SLC44A5: variants seen among roughly 807,000 people sequenced by gnomAD.
The protein encoded by SLC44A5 is solute carrier family 44 member 5.
A neutral mutation model predicts 101.8 loss-of-function variants in SLC44A5; 57 were observed. That is an observed-to-expected ratio of 0.56 (90% CI 0.45 to 0.70). SLC44A5 has a LOEUF of 0.70. Among genes scored for constraint, SLC44A5 ranks in the 30% least tolerant of loss-of-function variants. The probability of loss-of-function intolerance (pLI) is 0.00; values close to 1 mark genes in which losing one functional copy is unlikely to be tolerated. For missense variants in SLC44A5, 737 were observed against 853.1 expected (o/e 0.86, Z 1.70); for synonymous variants, 281 against 290.9 (o/e 0.97, Z 0.35).
At chr1:75,608,175 AAAAAC>A (rs968022143) in intron 1 of SLC44A5, among the ~76,000 whole-genome samples, 38 of 151,076 alleles carry the variant, frequency 2.5e-4, no homozygotes, top group African/African-American at 6.1e-4. Flanking sequence ...AGTCAATAGC[AAAAAC>A]AAAACAAAAC....
At chr1:75,638,048 A>G in the SLC44A5 span, among the ~76,000 whole-genome samples, 1 of 152,076 alleles carries the variant, frequency 6.6e-6, no homozygotes. Flanking sequence ...CCTTCTTAAA[A>G]TATTTATTAT....
intron 2 of SLC44A5, among the ~76,000 whole-genome samples, chr1:75,444,632 T>A (rs1235243055): frequency 6.7e-6 from 1 of 149,702 alleles, no homozygotes; most frequent in African/African-American, 2.5e-5. Flanking sequence ...CTAATAGAGA[T>A]GATACAAGCA....
At position 75,203,356 on chromosome 1, in the gene SLC44A5, C is replaced by T. The variant is rs1452434762; in HGVS notation, c.*371G>A. On this transcript the variant is annotated 3_prime_UTR_variant, in exon 24 of 24. Coordinates refer to ENST00000370859, the MANE Select transcript of SLC44A5 (RefSeq NM_001130058.2). The stretch of plus-strand genomic sequence containing the variant: ...CAATTTTCCCTGCAGAAGAAGTCTT[C>T]TTTTAGTTGTAATTTTAAAAATATA... 6.4e-6 allele frequency: 1 copy of T among 155,270 alleles called. No individual in the cohort carries two copies. Among genetic ancestry groups the T allele is most frequent in the African/African-American group, 2.4e-5 (1 of 41,562 alleles). 9.6% of individuals were successfully genotyped at this position (155,270 alleles called of 1,614,324 possible).
chr1:75,539,431 T>C (rs1423121658), intron 2 of SLC44A5, among the ~76,000 whole-genome samples: 1 of 152,210 alleles, frequency 6.6e-6, no homozygotes, highest in Non-Finnish European at 1.5e-5. Flanking sequence ...ATAGTGGTGG[T>C]GCTAGAGGTG....
Position 75,202,428 on chromosome 1 carries a change from A to G in SLC44A5, c.*1299T>C, listed in dbSNP as rs144686072. 35 of 152,336 alleles carry G rather than the reference A, an allele frequency of 2.3e-4. No individual in the cohort carries two copies. The highest frequency in any genetic ancestry group is 8.2e-4 in the African/African-American group (34 of 41,598). 9.4% of individuals were successfully genotyped at this position (152,336 alleles called of 1,614,324 possible). On this transcript the variant is annotated 3_prime_UTR_variant, in exon 24 of 24. Coordinates refer to ENST00000370859, the MANE Select transcript of SLC44A5 (RefSeq NM_001130058.2). ...TTCACAAATTATCATTATATGATTGACATTCTCTTAGGGTGAATACTTTTC... is the reference window on the plus strand; with the variant it reads ...TTCACAAATTATCATTATATGATTGGCATTCTCTTAGGGTGAATACTTTTC...
At chr1:75,311,705 T>A in intron 4 of SLC44A5, 1 of 208,324 alleles carries the variant, frequency 4.8e-6, no homozygotes, top group Non-Finnish European at 8.4e-6. Flanking sequence ...CCCAGTTTAG[T>A]CTGGGGAACA....
chr1:75,702,662 A>T, the SLC44A5 span, among the ~76,000 whole-genome samples: 1 of 152,326 alleles, frequency 6.6e-6, no homozygotes, highest in Admixed American at 6.5e-5. Context: ...GACAAATGGG[A>T]TCTAATTAAA....
intron 5 of SLC44A5, among the ~76,000 whole-genome samples, chr1:75,288,417 T>TTTCA (rs1480303022): frequency 3.3e-5 from 5 of 152,328 alleles, no homozygotes; most frequent in African/African-American, 1.2e-4. Flanking sequence ...TCAAACTCCT[T>TTTCA]TTCATTCATT....
At chr1:75,562,789 T>C (rs1228488145) in intron 1 of SLC44A5, among the ~76,000 whole-genome samples, 1 of 152,172 alleles carries the variant, frequency 6.6e-6, no homozygotes, top group African/African-American at 2.4e-5. Flanking sequence ...ACAGTCTCTC[T>C]TTCAAATGGG....
the SLC44A5 span, among the ~76,000 whole-genome samples, chr1:75,671,072 T>C: frequency 1.3e-5 from 2 of 152,198 alleles, no homozygotes; most frequent in South Asian, 4.1e-4. Flanking sequence ...GACTTTCCTA[T>C]GGTTTTTACA....
At chr1:75,472,572 G>A (rs1425870319) in intron 2 of SLC44A5, among the ~76,000 whole-genome samples, 5 of 152,160 alleles carry the variant, frequency 3.3e-5, no homozygotes, top group African/African-American at 7.2e-5. Context: ...CAGCGCCCCA[G>A]GGTGCCTCAA....
At chr1:75,285,436 GTTTCA>G (rs1232871222) in intron 5 of SLC44A5, among the ~76,000 whole-genome samples, 1 of 151,718 alleles carries the variant, frequency 6.6e-6, no homozygotes, top group African/African-American at 2.4e-5. Flanking sequence ...CCAGCATTTT[GTTTCA>G]TTTATCATTT....
chr1:75,270,585 G>A (rs778868626), intron 6 of SLC44A5, among the ~76,000 whole-genome samples: 2 of 152,022 alleles, frequency 1.3e-5, no homozygotes, highest in Non-Finnish European at 1.5e-5. Flanking sequence ...AGAAATATTG[G>A]AGAATGTTAT....
chr1:75,469,254 A>C (rs2101723257), intron 2 of SLC44A5, among the ~76,000 whole-genome samples: 1 of 152,324 alleles, frequency 6.6e-6, no homozygotes, highest in Non-Finnish European at 1.5e-5. Flanking sequence ...CAGACTAGCC[A>C]CATTTCAGGT....
At chr1:75,233,110 C>T (rs932808365) in intron 12 of SLC44A5, among the ~76,000 whole-genome samples, 1 of 152,098 alleles carries the variant, frequency 6.6e-6, no homozygotes, top group Admixed American at 6.6e-5. Context: ...TACTGTTCCA[C>T]GTGAGACACT....
the SLC44A5 span, among the ~76,000 whole-genome samples, chr1:75,685,671 G>A: frequency 6.6e-6 from 1 of 152,090 alleles, no homozygotes; most frequent in African/African-American, 2.4e-5. Context: ...AGCCCTTCGA[G>A]TCTCTGGGAA....
chr1:75,647,437 A>C, the SLC44A5 span, among the ~76,000 whole-genome samples: 3 of 152,170 alleles, frequency 2.0e-5, no homozygotes, highest in African/African-American at 7.2e-5. Flanking sequence ...CCCAATATAG[A>C]GTCCCCACTG....
the SLC44A5 span, among the ~76,000 whole-genome samples, chr1:75,646,797 A>G: frequency 6.6e-6 from 1 of 152,186 alleles, no homozygotes; most frequent in Non-Finnish European, 1.5e-5. Flanking sequence ...CCCATGCCCT[A>G]GAGATCTGTG....
chr1:75,238,210 G>T (rs1458613090), intron 10 of SLC44A5, among the ~76,000 whole-genome samples: 1 of 148,118 alleles, frequency 6.8e-6, no homozygotes. Context: ...AAGGAGAATT[G>T]CTTGAACCGG....
Sources: allele counts gnomAD v4.1 joint callset (sites outside exome capture counted in the v4.1 genomes callset), GRCh38; gene constraint gnomAD v4.1.1; transcripts MANE v1.5; gene names NCBI Gene and HGNC (gene_info 2026-07-23, HGNC 2026-07-21).